Variants in UROS observed in about 807,000 individuals in gnomAD.
UROS encodes uroporphyrinogen-III synthase.
A neutral mutation model predicts 33.0 loss-of-function variants in UROS; 18 were observed. The observed-to-expected ratio is 0.55, with a 90% confidence interval of 0.38 to 0.81. The LOEUF (loss-of-function observed/expected upper bound fraction) is 0.81, where lower values mean the gene tolerates loss of function less well. Among genes scored for constraint, UROS ranks in the 30% least tolerant of loss-of-function variants. The pLI is 0.00. For missense variants in UROS, 293 were observed against 314.9 expected, an observed-to-expected ratio of 0.93 and a Z score of 0.53; for synonymous variants, 114 against 121.1, an observed-to-expected ratio of 0.94 and a Z score of 0.38.
chr10:125,794,293 T>C (rs1319213746), intron 9 of UROS: 6 of 987,380 alleles, frequency 6.1e-6, no homozygotes, highest in Non-Finnish European at 7.2e-6. Flanking sequence ...CCTTTTGCTC[T>C]TCCTGACTGC....
At chr10:125,794,422 G>T in intron 9 of UROS, 16 of 946,430 alleles carry the variant, frequency 1.7e-5, no homozygotes, top group Non-Finnish European at 2.0e-5. Flanking sequence ...GTTATTTGTA[G>T]ACTCATAATA....
intron 9 of UROS, 104 bp from the exon 10 acceptor site, chr10:125,789,109 C>T (rs566879987): frequency 9.4e-6 from 14 of 1,485,814 alleles, no homozygotes; most frequent in African/African-American, 5.5e-5. Context: ...TGCGGTTGGA[C>T]GTTACTGCTC....
At chr10:125,814,451 G>A (rs1009819767) in intron 4 of UROS, among the ~76,000 whole-genome samples, 3 of 152,174 alleles carry the variant, frequency 2.0e-5, no homozygotes, top group African/African-American at 7.2e-5. Context: ...GTGTGCCTCT[G>A]GATTGTTATC....
At chr10:125,822,615 G>T (rs77904611) in intron 1 of UROS, among the ~76,000 whole-genome samples, 2 of 151,958 alleles carry the variant, frequency 1.3e-5, no homozygotes, top group Non-Finnish European at 2.9e-5. Flanking sequence ...CCGCCACCAC[G>T]CCCGGCTAAT....
Position 125,788,668 on chromosome 10 carries a change from C to T in UROS, c.*200G>A. 7.0e-7 allele frequency: 1 copy of T among 1,428,060 alleles called. No homozygotes were observed. Among genetic ancestry groups the T allele is most frequent in the Non-Finnish European group, 9.1e-7 (1 of 1,095,220 alleles). 88.5% of individuals were successfully genotyped at this position (1,428,060 alleles called of 1,614,324 possible). On this transcript the variant is annotated 3_prime_UTR_variant, in exon 10 of 10. Coordinates refer to ENST00000368797, the MANE Select transcript of UROS (RefSeq NM_000375.3). Reference sequence around the variant, plus strand: ...ACAGGGCTAGGGTTTAAGCTGGCTTCCACAGAGGGCAGTCACGTGCACGTG... The same window carrying T: ...ACAGGGCTAGGGTTTAAGCTGGCTTTCACAGAGGGCAGTCACGTGCACGTG...
intron 1 of UROS, among the ~76,000 whole-genome samples, chr10:125,817,701 C>T (rs1853466785): frequency 6.6e-6 from 1 of 152,094 alleles, no homozygotes; most frequent in South Asian, 2.1e-4. Context: ...ACCTACGAGG[C>T]TTAGGAAGAA....
Position 125,816,463 on chromosome 10 carries a change from C to T in UROS, c.37G>A (p.Asp13Asn), listed in dbSNP as rs777247745. The T allele has an allele frequency of 6.2e-7, 1 of 1,614,210 alleles. No homozygotes were observed. Among genetic ancestry groups the T allele is most frequent in the Admixed American group, 1.7e-5 (1 of 60,030 alleles). ...CTGATATACGGATCCTGGCCACAGTCATCTTCCTTCGCATCCTTCAGTAAA... is the reference window on the plus strand; with the variant it reads ...CTGATATACGGATCCTGGCCACAGTTATCTTCCTTCGCATCCTTCAGTAAA... Reference protein sequence around the residue: ...VLLLKDAKEDDCGQDPYIREL... With the variant: ...VLLLKDAKEDNCGQDPYIREL... The change falls in exon 2 of 10, where the codon GAC (aspartate) becomes AAC (asparagine). Residue 13 changes from aspartate (D) to asparagine (N), a missense_variant. By Grantham distance (23) the Asp-to-Asn change is conservative (BLOSUM62 1). Transcript: ENST00000368797.
intron 6 of UROS, among the ~76,000 whole-genome samples, chr10:125,806,851 C>T (rs1184986282): frequency 6.6e-6 from 1 of 152,136 alleles, no homozygotes; most frequent in Admixed American, 6.5e-5. Flanking sequence ...GCCTTCCCAT[C>T]CCTCTTGCTC....
At chr10:125,791,378 A>G (rs938822328) in intron 9 of UROS, 5 of 152,186 alleles carry the variant, frequency 3.3e-5, no homozygotes, top group South Asian at 2.1e-4. Flanking sequence ...ACCCTTACAC[A>G]TTGCTAGTGA....
downstream of UROS, among the ~76,000 whole-genome samples, chr10:125,787,569 G>A (rs1247971563): frequency 6.6e-6 from 1 of 152,110 alleles, no homozygotes; most frequent in African/African-American, 2.4e-5. Flanking sequence ...TCTGGGGGTG[G>A]GGCCTGAGCT....
chr10:125,797,576 A>G (rs887163549), intron 7 of UROS, among the ~76,000 whole-genome samples: 2 of 152,240 alleles, frequency 1.3e-5, no homozygotes, highest in Non-Finnish European at 2.9e-5. Flanking sequence ...CGAGGACGGC[A>G]GCATGCTTCA....
intron 6 of UROS, among the ~76,000 whole-genome samples, chr10:125,799,622 G>A (rs764313226): frequency 3.3e-5 from 5 of 152,182 alleles, no homozygotes; most frequent in Non-Finnish European, 7.3e-5. Flanking sequence ...AGGCTGGGCC[G>A]AAGGGGTACG....
downstream of UROS, chr10:125,785,282 G>A (rs1850608891): frequency 6.6e-6 from 1 of 152,236 alleles, no homozygotes; most frequent in South Asian, 2.1e-4. Flanking sequence ...GAAGAAGGAA[G>A]AATGATGTCA....
At chr10:125,804,668 C>G (rs1852161604) in intron 6 of UROS, among the ~76,000 whole-genome samples, 1 of 152,178 alleles carries the variant, frequency 6.6e-6, no homozygotes, top group South Asian at 2.1e-4. Flanking sequence ...GGACACCCAG[C>G]TGTTATCTGG....
intron 1 of UROS, among the ~76,000 whole-genome samples, chr10:125,816,954 C>G (rs566469212): frequency 1.0e-3 from 158 of 152,310 alleles, no homozygotes; most frequent in African/African-American, 3.5e-3. Context: ...ATTGACTCTT[C>G]TACTTATTAA....
At chr10:125,822,796 A>AT in intron 1 of UROS, among the ~76,000 whole-genome samples, 1 of 152,306 alleles carries the variant, frequency 6.6e-6, no homozygotes, top group East Asian at 1.9e-4. Context: ...CCGGCTTTAA[A>AT]AAAACTTTTA....
In UROS at chr10:125,789,288, C is replaced by T. The variant is rs545757057; in HGVS notation, c.661-283G>A. 368 of 1,373,284 alleles carry T rather than the reference C, an allele frequency of 2.7e-4. 4 individuals are homozygous for T. The African/African-American group carries it at 4.0e-3, about 15-fold the overall frequency. The allele number at this position is 1,373,284 out of a possible 1,614,324, so 85.1% of individuals were successfully genotyped here. ...GGCCCCAGGCTGGTGCTCACCATCA[C>T]GGCTGTGTCAGTGCAGTCCTTCCTC... On this transcript the variant is annotated intron_variant, in intron 9 of 9. Transcript: ENST00000368797.
chr10:125,814,822 G>A (rs951067157), intron 4 of UROS, among the ~76,000 whole-genome samples: 35 of 152,140 alleles, frequency 2.3e-4, no homozygotes, highest in East Asian at 7.7e-4. Context: ...GGTGAACAAC[G>A]AATAGACAGG....
rs563620719 is a variant in UROS, at chr10:125,808,320, T to C, written c.320-833A>G. On this transcript the variant is annotated intron_variant, in intron 5 of 9. Transcript: ENST00000368797. ...CACACAGAGCCTGGTTAGTAACAAA[T>C]GGCAGCTTTAATAAAAACACCAGCA... 1.6e-3 allele frequency among the ~76,000 whole-genome samples: 250 copies of C among 152,276 alleles called. 1 individual carries two copies. Among genetic ancestry groups the C allele is most frequent in the Non-Finnish European group, 3.0e-3 (201 of 68,010 alleles).
Sources: gnomAD v4.1 joint callset for allele counts (sites outside exome capture counted in the v4.1 genomes callset) on GRCh38, gnomAD v4.1.1 for gene constraint, MANE v1.5 for transcripts, NCBI Gene and HGNC (gene_info 2026-07-23, HGNC 2026-07-21) for gene names.